Variants in AGBL1 observed in about 807,000 individuals in gnomAD.
AGBL1 encodes AGBL carboxypeptidase 1.
A neutral mutation model predicts 118.9 loss-of-function variants in AGBL1; 130 were observed. That is an observed-to-expected ratio of 1.09 (90% CI 0.95 to 1.26). The LOEUF is 1.26. AGBL1 is among the 50% of genes most tolerant of loss of function. The pLI is 0.00. For missense variants in AGBL1, 1,584 were observed against 1,298.1 expected (o/e 1.22, Z -3.38); for synonymous variants, 555 against 478.9 (o/e 1.16, Z -2.08).
chr15:86,213,557 A>G (rs1292917459), intron 5 of AGBL1, among the ~76,000 whole-genome samples: 2 of 152,098 alleles, frequency 1.3e-5, no homozygotes, highest in Non-Finnish European at 2.9e-5. Context: ...TGCATGCTCA[A>G]GTTTGAAAAT....
chr15:86,804,401 T>G (rs2141354900), intron 22 of AGBL1, among the ~76,000 whole-genome samples: 1 of 152,312 alleles, frequency 6.6e-6, no homozygotes, highest in Admixed American at 6.5e-5. Flanking sequence ...CAGAACTTTC[T>G]GAAGTGTTTC....
At chr15:86,967,607 G>C (rs1014039389) in intron 23 of AGBL1, among the ~76,000 whole-genome samples, 4 of 151,904 alleles carry the variant, frequency 2.6e-5, no homozygotes, top group African/African-American at 7.3e-5. Context: ...TCTTCTTTTT[G>C]TCAGGTTTGT....
chr15:86,872,312 G>A (rs2079741187), intron 22 of AGBL1, among the ~76,000 whole-genome samples: 1 of 152,172 alleles, frequency 6.6e-6, no homozygotes, highest in Non-Finnish European at 1.5e-5. Context: ...AGAAAATTGA[G>A]ACACAAGCTG....
chr15:86,921,978 C>A (rs1160917926), intron 23 of AGBL1, among the ~76,000 whole-genome samples: 1 of 152,068 alleles, frequency 6.6e-6, no homozygotes, highest in African/African-American at 2.4e-5. Flanking sequence ...CTGCACAGGT[C>A]TATATAAAAA....
intron 18 of AGBL1, among the ~76,000 whole-genome samples, chr15:86,522,580 CA>C (rs1293054803): frequency 1.3e-5 from 2 of 152,172 alleles, no homozygotes; most frequent in African/African-American, 4.8e-5. Context: ...AATCTGATAG[CA>C]AGTCAAATAT....
chr15:86,778,245 C>T (rs370511179), intron 22 of AGBL1, among the ~76,000 whole-genome samples: 4 of 152,170 alleles, frequency 2.6e-5, no homozygotes, highest in Non-Finnish European at 4.4e-5. Context: ...GGAGGCAGGG[C>T]GAGATCACAG....
Position 86,717,046 on chromosome 15 carries a change from A to G in AGBL1, c.3158+42610A>G, listed in dbSNP as rs998102548. Among the ~76,000 whole-genome samples, 94 of 152,354 alleles carry G rather than the reference A, an allele frequency of 6.2e-4. 2 individuals carry two copies. The highest frequency in any genetic ancestry group is 2.6e-4 in the Admixed American group (4 of 15,306). ...TAATCCACATGAAGTGCTTCAGGCA[A>G]TTGCCTGGTATATGGTAAGTGCTCA... On this transcript the variant is annotated intron_variant, in intron 22 of 22. Transcript: ENST00000614907.
chr15:86,461,446 C>T (rs561945898), intron 18 of AGBL1, among the ~76,000 whole-genome samples: 1 of 152,222 alleles, frequency 6.6e-6, no homozygotes, highest in African/African-American at 2.4e-5. Context: ...CTGAGAAGAA[C>T]GTTTTATAAT....
At chr15:86,920,258 T>C (rs1051354710), downstream of AGBL1, among the ~76,000 whole-genome samples, 2 of 152,210 alleles carry the variant, frequency 1.3e-5, no homozygotes, top group African/African-American at 4.8e-5. Flanking sequence ...TCAGAGGGGC[T>C]GTTCTCAGCT....
chr15:86,402,054 C>T (rs1403624964), intron 18 of AGBL1, among the ~76,000 whole-genome samples: 1 of 151,918 alleles, frequency 6.6e-6, no homozygotes, highest in East Asian at 1.9e-4. Flanking sequence ...TGGTTATTTT[C>T]ACAATATTGA....
At position 86,816,900 on chromosome 15, in the gene AGBL1, G is replaced by T. The variant is rs140886467; in HGVS notation, c.3159-90187G>T. Among the ~76,000 whole-genome samples, 75 of 152,210 alleles carry T rather than the reference G, an allele frequency of 4.9e-4. No homozygotes were observed. The East Asian group carries it at 0.013, about 27-fold the overall frequency. Reference sequence around the variant, plus strand: ...TTAAACCTTCACAGTCACTGTGTAAGAAAGGCATTATTACATTAATCTTAC... The same window carrying T: ...TTAAACCTTCACAGTCACTGTGTAATAAAGGCATTATTACATTAATCTTAC... On this transcript the variant is annotated intron_variant, in intron 22 of 22. Transcript: ENST00000614907.
intron 18 of AGBL1, among the ~76,000 whole-genome samples, chr15:86,504,431 GT>G (rs1377371699): frequency 6.6e-6 from 1 of 151,266 alleles, no homozygotes; most frequent in Non-Finnish European, 1.5e-5. Context: ...TTTAAAAAAG[GT>G]TTTATGTATG....
At chr15:86,237,937 A>T (rs1295870307) in intron 6 of AGBL1, among the ~76,000 whole-genome samples, 1 of 151,970 alleles carries the variant, frequency 6.6e-6, no homozygotes, top group Non-Finnish European at 1.5e-5. Context: ...TGGACTTTTC[A>T]TTATTTGTAC....
chr15:86,392,393 C>T (rs2081301631), intron 17 of AGBL1, among the ~76,000 whole-genome samples: 1 of 152,160 alleles, frequency 6.6e-6, no homozygotes, highest in South Asian at 2.1e-4. Flanking sequence ...AATGAATACT[C>T]CACTGTGTTT....
intron 22 of AGBL1, among the ~76,000 whole-genome samples, chr15:86,885,369 C>T (rs1445471528): frequency 6.6e-6 from 1 of 152,192 alleles, no homozygotes; most frequent in African/African-American, 2.4e-5. Flanking sequence ...CTTTCGCTCA[C>T]ACATCTTGTG....
At chr15:86,954,286 C>G (rs180970210) in intron 23 of AGBL1, among the ~76,000 whole-genome samples, 1 of 152,246 alleles carries the variant, frequency 6.6e-6, no homozygotes. Context: ...TTGGCAATCC[C>G]ATTACTGTGT....
chr15:86,545,943 G>A, intron 19 of AGBL1, 59 bp from the exon 20 acceptor site: 3 of 1,574,446 alleles, frequency 1.9e-6, no homozygotes, highest in East Asian at 4.5e-5. Flanking sequence ...GATTTAAGTG[G>A]ATTTAAGAAA....
chr15:86,181,400 G>T (rs2077551074), intron 5 of AGBL1, among the ~76,000 whole-genome samples: 3 of 152,000 alleles, frequency 2.0e-5, no homozygotes, highest in Admixed American at 1.3e-4. Flanking sequence ...CTGAATGAAA[G>T]ATGCCAGATT....
chr15:86,230,105 T>G (rs2078431436), intron 6 of AGBL1, among the ~76,000 whole-genome samples: 1 of 152,162 alleles, frequency 6.6e-6, no homozygotes, highest in South Asian at 2.1e-4. Context: ...TCACAGATCT[T>G]CCTCGTTAAT....
Sources: gnomAD v4.1 joint callset for allele counts (sites outside exome capture counted in the v4.1 genomes callset) on GRCh38, gnomAD v4.1.1 for gene constraint, MANE v1.5 for transcripts, NCBI Gene and HGNC (gene_info 2026-07-23, HGNC 2026-07-21) for gene names.